UBR3: variants seen among roughly 807,000 people sequenced by gnomAD.
UBR3 encodes ubiquitin protein ligase E3 component n-recognin 3.
A neutral mutation model predicts 243.2 loss-of-function variants in UBR3; 85 were observed. That is an observed-to-expected ratio of 0.35 (90% CI 0.29 to 0.42). UBR3 has a LOEUF of 0.42. Ranked by LOEUF, UBR3 falls within the 10% of genes least tolerant of loss-of-function variation. The pLI, the probability that UBR3 is intolerant of heterozygous loss-of-function variation, is 1.00. For synonymous variants in UBR3, 748 were observed against 799.8 expected (o/e 0.94, Z 1.09); for missense variants, 1,686 against 2,300.8 (o/e 0.73, Z 5.47).
intron 19 of UBR3, among the ~76,000 whole-genome samples, chr2:169,935,302 A>G (rs1213442786): frequency 6.6e-6 from 1 of 152,160 alleles, no homozygotes; most frequent in Non-Finnish European, 1.5e-5. Flanking sequence ...AGTAGCTAGG[A>G]CTACAGGTGC....
At chr2:169,855,329 T>C (rs1462416716) in intron 1 of UBR3, among the ~76,000 whole-genome samples, 1 of 152,200 alleles carries the variant, frequency 6.6e-6, no homozygotes, top group Non-Finnish European at 1.5e-5. Context: ...TCCATTACTT[T>C]TTATTTTTTA....
chr2:170,007,890 A>T (rs1574386257), intron 28 of UBR3, among the ~76,000 whole-genome samples: 1 of 152,098 alleles, frequency 6.6e-6, no homozygotes, highest in African/African-American at 2.4e-5. Flanking sequence ...TGAATTATTT[A>T]AAAAACAAGC....
chr2:169,917,723 T>C (rs1041162824), intron 11 of UBR3, among the ~76,000 whole-genome samples: 9 of 152,176 alleles, frequency 5.9e-5, no homozygotes, highest in South Asian at 2.1e-4. Flanking sequence ...TTTTTCGAGA[T>C]GGAGTTTTTG....
At chr2:170,001,933 A>AAAAAAAAAAAAAAAAAAAAAAAAAAG (rs2089722169) in intron 27 of UBR3, among the ~76,000 whole-genome samples, 1 of 135,416 alleles carries the variant, frequency 7.4e-6, no homozygotes, top group African/African-American at 3.2e-5. Context: ...AAAAAAAAAA[A>AAAAAAAAAAAAAAAAAAAAAAAAAAG]AAAAAAAAAG....
At chr2:169,829,827 AC>A (rs2081874236) in intron 1 of UBR3, among the ~76,000 whole-genome samples, 2 of 53,680 alleles carry the variant, frequency 3.7e-5, no homozygotes, top group Admixed American at 2.3e-4. Flanking sequence ...ACACACACAC[AC>A]ACACACACAC....
intron 2 of UBR3, 67 bp from the exon 3 acceptor site, chr2:169,875,724 G>C: frequency 7.6e-7 from 1 of 1,315,572 alleles, no homozygotes; most frequent in East Asian, 2.6e-5. Flanking sequence ...AATAAATACT[G>C]TTATTTTTAG....
intron 24 of UBR3, among the ~76,000 whole-genome samples, chr2:169,959,685 G>A (rs2087475440): frequency 1.3e-5 from 2 of 152,090 alleles, no homozygotes; most frequent in Non-Finnish European, 2.9e-5. Context: ...TGGGGGATGA[G>A]AAAAGCTAGT....
intron 24 of UBR3, among the ~76,000 whole-genome samples, chr2:169,979,582 A>G (rs2088627066): frequency 6.6e-6 from 1 of 152,216 alleles, no homozygotes; most frequent in Non-Finnish European, 1.5e-5. Context: ...AAAGGAATGA[A>G]CTATTAAGCC....
chr2:169,844,496 T>C (rs1364605738), intron 1 of UBR3, among the ~76,000 whole-genome samples: 14 of 143,626 alleles, frequency 9.7e-5, no homozygotes, highest in South Asian at 4.3e-4. Flanking sequence ...CTCTCTCTTT[T>C]TTTTTTTTTT....
rs914005018 is a variant in UBR3, at chr2:170,062,515, G to A, written c.5019+1072G>A. 4.6e-5 allele frequency among the ~76,000 whole-genome samples: 7 copies of A among 152,284 alleles called. No individual in the cohort carries two copies. In the South Asian group the frequency reaches 8.3e-4, roughly 18 times the overall value. ...CAAAACATTCTTTTTAGAGTTATAA[G>A]ATGTTGAACAAATTCTTAGAATAAT... On this transcript the variant is annotated intron_variant, in intron 35 of 38. Transcript: ENST00000272793.
chr2:169,906,486 C>A (rs1434105803), intron 10 of UBR3, among the ~76,000 whole-genome samples: 1 of 151,924 alleles, frequency 6.6e-6, no homozygotes, highest in Non-Finnish European at 1.5e-5. Context: ...ATTACACTTT[C>A]AAGATTCCAA....
At position 169,881,753 on chromosome 2, in the gene UBR3, T is replaced by C. The variant is rs1381492373; in HGVS notation, c.1038+3179T>C. ...ATTATATATTATATAATATATATTATATATTAATAAATTATATATAATATA... is the reference window on the plus strand; with the variant it reads ...ATTATATATTATATAATATATATTACATATTAATAAATTATATATAATATA... On this transcript the variant is annotated intron_variant, in intron 5 of 38. Coordinates refer to ENST00000272793, the MANE Select transcript of UBR3 (RefSeq NM_172070.4). Among the ~76,000 whole-genome samples, 10 of 139,988 alleles carry C rather than the reference T, an allele frequency of 7.1e-5. No homozygotes were observed. In the Admixed American group the frequency reaches 7.6e-4, roughly 11 times the overall value. The allele number at this position is 139,988 out of a possible 152,430, so 91.8% of individuals were successfully genotyped here. A position where few individuals can be genotyped will look rare whatever the true frequency, so the allele number is the denominator to read the frequency against.
At chr2:169,978,652 G>C (rs1290375309) in intron 24 of UBR3, among the ~76,000 whole-genome samples, 1 of 152,030 alleles carries the variant, frequency 6.6e-6, no homozygotes. Flanking sequence ...CCCAGACTCT[G>C]TGATCCCAGG....
At chr2:169,865,808 A>G (rs1467880193) in intron 1 of UBR3, among the ~76,000 whole-genome samples, 2 of 152,134 alleles carry the variant, frequency 1.3e-5, no homozygotes, top group Non-Finnish European at 2.9e-5. Context: ...CTTTGATCAC[A>G]ACTAGCTCTC....
At chr2:169,871,415 G>GAA (rs76600459) in intron 1 of UBR3, among the ~76,000 whole-genome samples, 58 of 125,114 alleles carry the variant, frequency 4.6e-4, no homozygotes, top group African/African-American at 1.2e-3. Flanking sequence ...GTCTTTAAGG[G>GAA]AAAAAAAAAA....
In UBR3 at chr2:170,080,011, T is replaced by C; in HGVS notation, c.5397T>C (p.Cys1799=). 1 of 1,613,672 alleles carries C rather than the reference T, an allele frequency of 6.2e-7. No homozygotes were observed. Among genetic ancestry groups the C allele is most frequent in the Non-Finnish European group, 8.5e-7 (1 of 1,179,820 alleles). ...TTTGCTGCAAGCAACAAAGTTACTG[T>C]GAATGTGTACTGGTAAGCAATAGTA... is the stretch of plus-strand genomic sequence containing the variant. The part of the protein sequence containing the change: ...KGLCCKQQSY[C]ECVLHSQNCG... Residue 1799 remains cysteine (C), a synonymous_variant, in exon 37 of 39, where the codon TGT becomes TGC. Coordinates refer to ENST00000272793, the MANE Select transcript of UBR3 (RefSeq NM_172070.4).
chr2:170,047,194 G>T lies in UBR3; in HGVS notation c.4660+6209G>T, dbSNP rs935310359. 0.017 allele frequency among the ~76,000 whole-genome samples: 9 copies of T among 526 alleles called. No homozygotes were observed. The Non-Finnish European group carries it at 0.25, about 15-fold the overall frequency. 0.3% of individuals were successfully genotyped at this position (526 alleles called of 152,430 possible). A position where few individuals can be genotyped will look rare whatever the true frequency, so the allele number is the denominator to read the frequency against. On this transcript the variant is annotated intron_variant, in intron 32 of 38. Transcript: ENST00000272793. Reference sequence around the variant, plus strand: ...TTTTTGTAGAGACGGTGGCGGTGTCGGGGGGGGGGTCTCACTTTGTTGCCC... The same window carrying T: ...TTTTTGTAGAGACGGTGGCGGTGTCTGGGGGGGGGTCTCACTTTGTTGCCC...
chr2:169,884,529 T>C (rs1196032683), intron 5 of UBR3, among the ~76,000 whole-genome samples: 1 of 152,210 alleles, frequency 6.6e-6, no homozygotes, highest in East Asian at 1.9e-4. Flanking sequence ...AAGAACAAAA[T>C]ATATTTTTGA....
intron 8 of UBR3, among the ~76,000 whole-genome samples, chr2:169,897,225 T>C (rs1233841676): frequency 6.6e-6 from 1 of 152,124 alleles, no homozygotes; most frequent in Non-Finnish European, 1.5e-5. Flanking sequence ...TTTGCTGCTA[T>C]CAGTCTTAGA....
Sources: gnomAD v4.1 joint callset for allele counts (sites outside exome capture counted in the v4.1 genomes callset) on GRCh38, gnomAD v4.1.1 for gene constraint, MANE v1.5 for transcripts, NCBI Gene and HGNC (gene_info 2026-07-23, HGNC 2026-07-21) for gene names.